Variants in SMG7 observed in about 807,000 individuals in gnomAD.
SMG7 encodes the protein nonsense-mediated mRNA decay factor SMG7.
SMG7 carries 34 observed loss-of-function variants against 148.2 expected under a neutral mutation model. That is an observed-to-expected ratio of 0.23 (90% confidence interval 0.17 to 0.31). The LOEUF (loss-of-function observed/expected upper bound fraction) is 0.31, where lower values mean the gene tolerates loss of function less well. Ranked by LOEUF, SMG7 falls within the 10% of genes least tolerant of loss-of-function variation. The probability of loss-of-function intolerance (pLI) is 1.00; values close to 1 mark genes in which losing one functional copy is unlikely to be tolerated. For missense variants in SMG7, 1,114 were observed against 1,408.4 expected, an observed-to-expected ratio of 0.79 and a Z score of 3.35; for synonymous variants, 492 against 515.1, an observed-to-expected ratio of 0.96 and a Z score of 0.61.
At chr1:183,547,412 G>A (rs1446323247) in intron 18 of SMG7, among the ~76,000 whole-genome samples, 160 bp downstream of exon 18, 2 of 152,202 alleles carry the variant, frequency 1.3e-5, no homozygotes. Context: ...TAAGTTGGTA[G>A]TAGGATATAG....
intron 2 of SMG7, among the ~76,000 whole-genome samples, chr1:183,514,138 CTAAAATGTAAT>C (rs1662918080): frequency 1.3e-5 from 2 of 148,378 alleles, no homozygotes; most frequent in Admixed American, 1.4e-4. Context: ...ATATGCCATC[CTAAAATGTAAT>C]AAGAAGGATA....
intron 1 of SMG7, among the ~76,000 whole-genome samples, chr1:183,499,896 G>T (rs1659365676): frequency 6.6e-6 from 1 of 152,040 alleles, no homozygotes; most frequent in African/African-American, 2.4e-5. Context: ...GTATGTGCAA[G>T]CATCTGATTA....
chr1:183,484,143 A>G (rs564419209), intron 1 of SMG7, among the ~76,000 whole-genome samples: 70 of 152,222 alleles, frequency 4.6e-4, no homozygotes, highest in African/African-American at 1.6e-3. Flanking sequence ...TAATCCCTCC[A>G]TAGCCGTGGG....
At chr1:183,514,219 A>G (rs1319883777) in intron 2 of SMG7, among the ~76,000 whole-genome samples, 1 of 148,570 alleles carries the variant, frequency 6.7e-6, no homozygotes, top group Non-Finnish European at 1.5e-5. Context: ...AAATTCACAA[A>G]AAAAAAAAAA....
intron 2 of SMG7, among the ~76,000 whole-genome samples, chr1:183,514,191 T>C (rs1662929950): frequency 1.5e-5 from 2 of 134,500 alleles, no homozygotes; most frequent in African/African-American, 5.7e-5. Context: ...AATTTCTCAA[T>C]AATTTAGTTC....
chr1:183,505,114 GAA>G (rs552970372), intron 1 of SMG7, among the ~76,000 whole-genome samples: 2 of 140,302 alleles, frequency 1.4e-5, no homozygotes, highest in Admixed American at 7.1e-5. Flanking sequence ...ATTGGGAGAA[GAA>G]AAAAAAAAAA....
chr1:183,511,529 TCCAGAAGTCCAGA>T (rs1375327705), intron 1 of SMG7, among the ~76,000 whole-genome samples: 7 of 152,134 alleles, frequency 4.6e-5, no homozygotes, highest in Non-Finnish European at 1.0e-4. Context: ...AGAAGTCCAG[TCCAGAAGTCCAGA>T]AATGAGCCCG....
At position 183,472,521 on chromosome 1, in the gene SMG7, T is replaced by C; in HGVS notation, c.-100T>C. 1 of 1,165,202 alleles carries C rather than the reference T, an allele frequency of 8.6e-7. No homozygotes were observed. The highest frequency in any genetic ancestry group is 1.1e-6 in the Non-Finnish European group (1 of 883,210). The allele number at this position is 1,165,202 out of a possible 1,614,324, so 72.2% of individuals were successfully genotyped here. On this transcript the variant is annotated 5_prime_UTR_variant, in exon 1 of 23. An upstream start codon of the reference 5' UTR is lost. Coordinates refer to ENST00000688051, the MANE Select transcript of SMG7 (RefSeq NM_001375584.1). ...GAGGAGGAGCCGGAGGAGAGGAAGA[T>C]GGCGGCGGCCGCCAGCACCCGCGGT...
chr1:183,519,266 A>G (rs1379339546), intron 4 of SMG7, among the ~76,000 whole-genome samples: 1 of 152,208 alleles, frequency 6.6e-6, no homozygotes, highest in Non-Finnish European at 1.5e-5. Flanking sequence ...TACTTAGACT[A>G]AAACATTCAT....
rs779430437 is a variant in SMG7 at position 183,517,711 on chromosome 1, A to G, written c.203A>G (p.Gln68Arg). The change falls in exon 4 of 23, where the codon CAG becomes CGG. Residue 68 changes from glutamine to arginine, a missense_variant. Physicochemically the swap from Gln to Arg is conservative, Grantham distance 43. Coordinates refer to ENST00000688051, the MANE Select transcript of SMG7 (RefSeq NM_001375584.1). ...QDLWNHAFKNQITTLQGQAKN... is the reference protein window; with the variant it reads ...QDLWNHAFKNRITTLQGQAKN... ...AGCTGGAATCACGCCTTTAAGAATC[A>G]GATCACAACACTGCAAGGCCAGGCA... The G allele has an allele frequency of 1.9e-6, 3 of 1,613,958 alleles. No individual in the cohort carries two copies. Among genetic ancestry groups the G allele is most frequent in the African/African-American group, 1.3e-5 (1 of 74,930 alleles).
At chr1:183,532,401 A>C (rs968257375) in intron 8 of SMG7, among the ~76,000 whole-genome samples, 1 of 152,236 alleles carries the variant, frequency 6.6e-6, no homozygotes, top group Non-Finnish European at 1.5e-5. Flanking sequence ...AAATAATTGC[A>C]GATATTAAAG....
intron 14 of SMG7, among the ~76,000 whole-genome samples, chr1:183,543,774 C>T (rs1211167797): frequency 6.6e-6 from 1 of 152,172 alleles, no homozygotes; most frequent in African/African-American, 2.4e-5. Flanking sequence ...ATGACATCTA[C>T]TCTCTGGCTC....
chr1:183,486,559 C>T (rs925752686), intron 1 of SMG7, among the ~76,000 whole-genome samples: 4 of 152,066 alleles, frequency 2.6e-5, no homozygotes, highest in Non-Finnish European at 4.4e-5. Flanking sequence ...TACAGGCGCC[C>T]GCCACCACGC....
At chr1:183,514,910 A>G (rs866507785) in intron 2 of SMG7, among the ~76,000 whole-genome samples, 9 of 152,228 alleles carry the variant, frequency 5.9e-5, no homozygotes, top group Non-Finnish European at 1.0e-4. Context: ...TGTGGTGGCT[A>G]TAGATGCTAA....
rs1401331312 is a variant in SMG7, at chr1:183,533,686, T to C, written c.1017T>C (p.Leu339=). ...CATTTTTTTTTCAAGTGTCTTTTCTTGGCATCCTGTGCAAGTGTCCTCTAC... is the reference window on the plus strand; with the variant it reads ...CATTTTTTTTTCAAGTGTCTTTTCTCGGCATCCTGTGCAAGTGTCCTCTAC... ...TQLLALFMSF[L]GILCKCPLQN... Residue 339 remains leucine (L), a synonymous_variant, in exon 10 of 23, where the codon CTT becomes CTC. Transcript: ENST00000688051. 6.3e-7 allele frequency: 1 copy of C among 1,599,864 alleles called. No homozygotes were observed. Among genetic ancestry groups the C allele is most frequent in the Admixed American group, 1.8e-5 (1 of 56,718 alleles).
chr1:183,487,946 T>TC (rs1272977509), intron 1 of SMG7, among the ~76,000 whole-genome samples: 1 of 152,220 alleles, frequency 6.6e-6, no homozygotes, highest in African/African-American at 2.4e-5. Flanking sequence ...GTATAAGGAT[T>TC]CCATTCGTTT....
At chr1:183,501,498 A>G (rs1659702431) in intron 1 of SMG7, among the ~76,000 whole-genome samples, 1 of 152,218 alleles carries the variant, frequency 6.6e-6, no homozygotes, top group Admixed American at 6.5e-5. Flanking sequence ...ATCAATAGCA[A>G]TAATAATAAC....
At chr1:183,546,368 T>C in intron 17 of SMG7, 31 bp downstream of exon 17, 1 of 1,582,734 alleles carries the variant, frequency 6.3e-7, no homozygotes, top group Non-Finnish European at 8.6e-7. Context: ...CCAGGCAATT[T>C]GGAGATAGGT....
intron 20 of SMG7, 191 bp downstream of exon 20, chr1:183,550,114 A>T (rs747830010): frequency 4.9e-5 from 25 of 513,460 alleles, no homozygotes; most frequent in Non-Finnish European, 8.5e-5. Context: ...AATAAATGCT[A>T]CTGACAAAAC....
Sources: gnomAD v4.1 joint callset for allele counts (sites outside exome capture counted in the v4.1 genomes callset) on GRCh38, gnomAD v4.1.1 for gene constraint, MANE v1.5 for transcripts, NCBI Gene and HGNC (gene_info 2026-07-23, HGNC 2026-07-21) for gene names.